The following DNAH14 variants were observed in gnomAD, a reference collection of about 807,000 sequenced individuals.
DNAH14 encodes axonemal beta dynein heavy chain 14.
A neutral mutation model predicts 520.9 loss-of-function variants in DNAH14; 478 were observed. The ratio of observed to expected loss-of-function variants is 0.92; its 90% CI spans 0.85 to 0.99. DNAH14 has a LOEUF of 0.99. DNAH14 is among the 50% of genes least tolerant of loss of function. The pLI, the probability that DNAH14 is intolerant of heterozygous loss-of-function variation, is 0.00. For missense variants in DNAH14, 4,831 were observed against 5,234.5 expected (o/e 0.92, Z 2.38); for synonymous variants, 1,581 against 1,757.2 (o/e 0.90, Z 2.51).
At chr1:225,367,008 TACACAC>T (rs111814272) in intron 76 of DNAH14, among the ~76,000 whole-genome samples, 39,610 of 149,308 alleles carry the variant, frequency 0.27, 6,297 homozygotes, top group African/African-American at 0.44. Flanking sequence ...CTCATGTTCA[TACACAC>T]ACACACACAC....
chr1:224,988,658 T>C (rs2062823117), intron 8 of DNAH14, among the ~76,000 whole-genome samples: 1 of 152,176 alleles, frequency 6.6e-6, no homozygotes, highest in Non-Finnish European at 1.5e-5. Context: ...ATTACAAATA[T>C]ATTTTTTAAG....
chr1:225,094,483 G>A (rs1302931290), intron 21 of DNAH14, among the ~76,000 whole-genome samples: 1 of 151,790 alleles, frequency 6.6e-6, no homozygotes, highest in African/African-American at 2.4e-5. Context: ...AACTAAGCAT[G>A]GATTAAAGAC....
chr1:225,014,137 G>A (rs1281907206), intron 10 of DNAH14, among the ~76,000 whole-genome samples: 3 of 152,212 alleles, frequency 2.0e-5, no homozygotes, highest in African/African-American at 4.8e-5. Context: ...CATGGGAAAA[G>A]TGTAGCATCT....
intron 3 of DNAH14, among the ~76,000 whole-genome samples, chr1:224,959,462 C>T (rs16858829): frequency 0.055 from 8,380 of 152,124 alleles, 474 homozygotes; most frequent in East Asian, 0.24. Flanking sequence ...TTGTAATTAT[C>T]GTGTCTTTTG....
At chr1:224,998,014 GT>G (rs2063509937) in intron 8 of DNAH14, among the ~76,000 whole-genome samples, 2 of 152,094 alleles carry the variant, frequency 1.3e-5, no homozygotes, top group Non-Finnish European at 2.9e-5. Flanking sequence ...TGGGTGAGTT[GT>G]TGTAGTTTGT....
At chr1:225,062,728 A>G (rs6657307) in intron 17 of DNAH14, among the ~76,000 whole-genome samples, 71 of 152,346 alleles carry the variant, frequency 4.7e-4, no homozygotes, top group African/African-American at 1.6e-3. Context: ...CAAGGCATTC[A>G]GTGTGGACCC....
intron 69 of DNAH14, among the ~76,000 whole-genome samples, chr1:225,343,414 G>A (rs532235725): frequency 3.3e-5 from 5 of 152,134 alleles, no homozygotes; most frequent in African/African-American, 1.2e-4. Context: ...GGAAAGTAGT[G>A]GGGAGGGCAT....
At chr1:225,082,171 G>GGTTGTGTGTGT (rs1553434194) in intron 19 of DNAH14, among the ~76,000 whole-genome samples, 30 of 145,212 alleles carry the variant, frequency 2.1e-4, no homozygotes, top group Non-Finnish European at 4.1e-4. Flanking sequence ...GAATGTTTGT[G>GGTTGTGTGTGT]GTGTGTGTGT....
intron 82 of DNAH14, 135 bp from the exon 83 acceptor site, chr1:225,389,599 C>A: frequency 1.0e-6 from 1 of 980,732 alleles, no homozygotes; most frequent in Non-Finnish European, 1.5e-6. Flanking sequence ...CATTCAAGGG[C>A]CTGATAAGAG....
Position 225,324,216 on chromosome 1 carries a change from C to A in DNAH14, c.9496-6C>A. 1 of 1,551,550 alleles carries A rather than the reference C, an allele frequency of 6.4e-7. No individual in the cohort carries two copies. Among genetic ancestry groups the A allele is most frequent in the South Asian group, 1.2e-5 (1 of 84,042 alleles). ...TCATGTAATACATTAACTGTGTTCT[C>A]TCTAGGTTTTCGTGAAGCTAAAAAA... is the stretch of plus-strand genomic sequence containing the variant. On this transcript the variant is annotated splice_polypyrimidine_tract_variant and splice_region_variant and intron_variant, in intron 62 of 85. Coordinates refer to ENST00000682510, the MANE Select transcript of DNAH14 (RefSeq NM_001367479.1).
rs2085616761 is a variant in DNAH14 at position 225,192,847 on chromosome 1, C to T, written c.5822C>T (p.Thr1941Ile). The T allele has an allele frequency of 6.5e-7, 1 of 1,549,482 alleles. No homozygotes were observed. Among genetic ancestry groups the T allele is most frequent in the African/African-American group, 1.4e-5 (1 of 72,926 alleles). The change falls in exon 38 of 86, where the codon ACA becomes ATA. Residue 1941 changes from threonine (T) to isoleucine (I), a missense_variant. Thr to Ile is a moderately conservative substitution (Grantham distance 89). Transcript: ENST00000682510. ...ATTCGAAGTTATGTATATTTTAACA[C>T]ACCAAAGAACACAAAGAAAGACATT... is the stretch of plus-strand genomic sequence containing the variant. ...ATIRSYVYFN[T>I]PKNTKKDIDL...
chr1:225,344,569 T>C (rs2095256029), intron 69 of DNAH14, among the ~76,000 whole-genome samples: 1 of 152,350 alleles, frequency 6.6e-6, no homozygotes, highest in African/African-American at 2.4e-5. Context: ...TTGTTCTTTT[T>C]TATGACTGCA....
chr1:225,108,945 T>G (rs758311972), intron 23 of DNAH14, among the ~76,000 whole-genome samples: 1 of 152,204 alleles, frequency 6.6e-6, no homozygotes, highest in Admixed American at 6.6e-5. Context: ...ATATCCAATT[T>G]TTCCTGCATC....
chr1:225,255,032 C>T (rs970763613), intron 44 of DNAH14, among the ~76,000 whole-genome samples: 9 of 152,118 alleles, frequency 5.9e-5, no homozygotes, highest in African/African-American at 1.7e-4. Flanking sequence ...TTCTGGAATC[C>T]GTACTCTAAG....
At chr1:225,139,887 C>T (rs1342967306) in intron 27 of DNAH14, among the ~76,000 whole-genome samples, 1 of 152,186 alleles carries the variant, frequency 6.6e-6, no homozygotes, top group East Asian at 1.9e-4. Context: ...CACTTTCTAA[C>T]CCTCAGTCTC....
chr1:225,327,101 G>A (rs1055566564), intron 64 of DNAH14, among the ~76,000 whole-genome samples: 2 of 151,842 alleles, frequency 1.3e-5, no homozygotes, highest in African/African-American at 4.8e-5. Context: ...GATTTTAAAA[G>A]ACATATACCA....
At chr1:225,269,525 C>T (rs2093243277) in intron 49 of DNAH14, among the ~76,000 whole-genome samples, 1 of 152,092 alleles carries the variant, frequency 6.6e-6, no homozygotes, top group South Asian at 2.1e-4. Context: ...AAGAAACTAC[C>T]ATCAGAGTGA....
intron 17 of DNAH14, among the ~76,000 whole-genome samples, chr1:225,068,328 C>T (rs1313027643): frequency 6.6e-6 from 1 of 152,004 alleles, no homozygotes; most frequent in Non-Finnish European, 1.5e-5. Context: ...TGTACCAGTA[C>T]CTTGCTGTTT....
intron 1 of DNAH14, among the ~76,000 whole-genome samples, chr1:224,937,442 A>C (rs926222216): frequency 6.6e-6 from 1 of 152,168 alleles, no homozygotes; most frequent in East Asian, 1.9e-4. Context: ...TCAAGAAAGG[A>C]ATCTCATTTA....
Sources: gnomAD v4.1 joint callset for allele counts (sites outside exome capture counted in the v4.1 genomes callset) on GRCh38, gnomAD v4.1.1 for gene constraint, MANE v1.5 for transcripts, NCBI Gene and HGNC (gene_info 2026-07-23, HGNC 2026-07-21) for gene names.